Variants in GCH1 observed in about 807,000 individuals in gnomAD.
GCH1 encodes GTP cyclohydrolase I.
In GCH1, 5 loss-of-function variants were observed where a neutral mutation model predicts 25.9. That is an observed-to-expected ratio of 0.19 (90% CI 0.10 to 0.41). The LOEUF (loss-of-function observed/expected upper bound fraction) is 0.41. Among genes scored for constraint, GCH1 ranks in the 10% least tolerant of loss-of-function variants. The pLI is 1.00. For missense variants in GCH1, 261 were observed against 336.5 expected (o/e 0.78, Z 1.75); for synonymous variants, 159 against 129.6 (o/e 1.23, Z -1.54).
intron 1 of GCH1, among the ~76,000 whole-genome samples, chr14:54,886,660 G>A (rs2040357665): frequency 6.6e-6 from 1 of 152,180 alleles, no homozygotes; most frequent in Non-Finnish European, 1.5e-5. Flanking sequence ...CGACTTTACA[G>A]ATGAGGACAC....
intron 1 of GCH1, among the ~76,000 whole-genome samples, chr14:54,892,769 A>G (rs2040439024): frequency 6.6e-6 from 1 of 152,082 alleles, no homozygotes; most frequent in South Asian, 2.1e-4. Flanking sequence ...AATAAGCCAG[A>G]CATGAAGGAC....
At chr14:54,887,108 T>C (rs2040363192) in intron 1 of GCH1, among the ~76,000 whole-genome samples, 1 of 152,220 alleles carries the variant, frequency 6.6e-6, no homozygotes, top group Non-Finnish European at 1.5e-5. Flanking sequence ...ATGTTGACCT[T>C]TTCTTTTTGA....
chr14:54,896,520 A>T (rs2040484919), intron 1 of GCH1, among the ~76,000 whole-genome samples: 1 of 152,102 alleles, frequency 6.6e-6, no homozygotes, highest in Non-Finnish European at 1.5e-5. Context: ...GATCCCCTAG[A>T]TACAGGCTTT....
chr14:54,887,019 G>A (rs1289472528), intron 1 of GCH1, among the ~76,000 whole-genome samples: 2 of 152,168 alleles, frequency 1.3e-5, no homozygotes, highest in Non-Finnish European at 2.9e-5. Context: ...GAACCAAAGT[G>A]GTGCGCATCA....
In GCH1 at chr14:54,844,123, C is replaced by T. The variant is rs2039603118; in HGVS notation, c.647G>A (p.Arg216Gln). 2 of 1,612,506 alleles carry T rather than the reference C, an allele frequency of 1.2e-6. No individual in the cohort carries two copies. The highest frequency in any genetic ancestry group is 2.2e-5 in the East Asian group (1 of 44,888). ...VEATHMCMVM[R>Q]GVQKMNSKTV... ...TTTGCTGTTCATTTTCTGTACACCT[C>T]GCATTACCATACACATGTGTCTACA... The change falls in exon 6 of 6, where the codon CGA (arginine) becomes CAA (glutamine). Residue 216 changes from arginine to glutamine, a missense_variant. Arg to Gln is a conservative substitution (Grantham distance 43). Around this residue, in one of 3 missense-constraint regions of GCH1, gnomAD observed 130 missense variants for 184.1 expected, o/e 0.71. Coordinates refer to ENST00000491895, the MANE Select transcript of GCH1 (RefSeq NM_000161.3).
chr14:54,890,366 G>A (rs1363422568), intron 1 of GCH1, among the ~76,000 whole-genome samples: 4 of 152,178 alleles, frequency 2.6e-5, no homozygotes, highest in Non-Finnish European at 4.4e-5. Context: ...GCTTGGTGGC[G>A]CATGCCTATA....
chr14:54,879,353 G>A (rs1041681208), intron 1 of GCH1, among the ~76,000 whole-genome samples: 7 of 146,078 alleles, frequency 4.8e-5, no homozygotes, highest in Non-Finnish European at 8.9e-5. Context: ...CCTGGGAGGC[G>A]AAGGTTGCAG....
chr14:54,844,324 A>G (rs1186323985), intron 5 of GCH1, among the ~76,000 whole-genome samples, 181 bp from the exon 6 acceptor site: 1 of 152,210 alleles, frequency 6.6e-6, no homozygotes, highest in East Asian at 1.9e-4. Context: ...GCTATTGAAC[A>G]TAATGGCAAA....
intron 1 of GCH1, among the ~76,000 whole-genome samples, chr14:54,900,128 G>A (rs1017856694): frequency 2.6e-5 from 4 of 151,788 alleles, no homozygotes; most frequent in African/African-American, 9.7e-5. Context: ...GCCTCCCAAA[G>A]TGCTGGGATT....
chr14:54,897,231 C>T (rs1350487573), intron 1 of GCH1, among the ~76,000 whole-genome samples: 1 of 149,640 alleles, frequency 6.7e-6, no homozygotes, highest in Admixed American at 6.7e-5. Flanking sequence ...CGTTATTTGC[C>T]CACCTCAGCC....
rs1170513883 is a variant in GCH1, at chr14:54,902,644, C to G, written c.20G>C (p.Arg7Pro). The G allele has an allele frequency of 6.8e-7, 1 of 1,480,924 alleles. No homozygotes were observed. The highest frequency in any genetic ancestry group is 1.5e-5 in the African/African-American group (1 of 68,196). 91.7% of individuals were successfully genotyped at this position (1,480,924 alleles called of 1,614,324 possible). Residue 7 changes from arginine to proline, a missense_variant, in exon 1 of 6, where the codon CGG becomes CCG. Around this residue, in one of 3 missense-constraint regions of GCH1, gnomAD observed 125 missense variants for 128.7 expected, o/e 0.97. Coordinates refer to ENST00000491895, the MANE Select transcript of GCH1 (RefSeq NM_000161.3). ...GCCCCGCGGCTTCTCCGCCGGTGCC[C>G]GCACAGGGCCCTTCTCCATGGACCC... Reference protein sequence around the residue: MEKGPVRAPAEKPRGAR... With the variant: MEKGPVPAPAEKPRGAR...
intron 3 of GCH1, among the ~76,000 whole-genome samples, chr14:54,850,413 A>G (rs576224972): frequency 6.7e-6 from 1 of 150,124 alleles, no homozygotes; most frequent in East Asian, 2.0e-4. Context: ...CCCAGGTTCA[A>G]GCATTTCTCC....
At chr14:54,886,206 C>A in intron 1 of GCH1, 1 of 156,974 alleles carries the variant, frequency 6.4e-6, no homozygotes, top group South Asian at 1.8e-4. Context: ...GATTTCTGGT[C>A]TCCATTCATT....
intron 1 of GCH1, among the ~76,000 whole-genome samples, 183 bp downstream of exon 1, chr14:54,902,138 C>T (rs562085451): frequency 6.6e-6 from 1 of 152,292 alleles, no homozygotes; most frequent in South Asian, 2.1e-4. Flanking sequence ...CCCAGGAAGC[C>T]CCGACTGTGC....
At chr14:54,864,513 A>G (rs145491247) in intron 2 of GCH1, among the ~76,000 whole-genome samples, 79 of 152,244 alleles carry the variant, frequency 5.2e-4, no homozygotes, top group African/African-American at 1.7e-3. Flanking sequence ...AATTCCTCCA[A>G]TTGTCTCAAA....
intron 3 of GCH1, among the ~76,000 whole-genome samples, chr14:54,854,983 T>C (rs1345300025): frequency 1.3e-5 from 2 of 152,328 alleles, no homozygotes; most frequent in Middle Eastern, 3.4e-3. Context: ...TCCATACTAG[T>C]AATTTAAACT....
At chr14:54,859,489 G>A (rs1239617870) in intron 3 of GCH1, among the ~76,000 whole-genome samples, 192 bp downstream of exon 3, 1 of 152,176 alleles carries the variant, frequency 6.6e-6, no homozygotes, top group African/African-American at 2.4e-5. Flanking sequence ...GGAAGTGGAA[G>A]AGGAAGCAGG....
intron 1 of GCH1, among the ~76,000 whole-genome samples, chr14:54,870,584 A>T (rs1288759645): frequency 1.3e-5 from 2 of 152,206 alleles, no homozygotes; most frequent in African/African-American, 4.8e-5. Context: ...GGGGTCAGGG[A>T]ATTCCCTTTC....
chr14:54,890,438 C>T lies in GCH1; in HGVS notation c.343+11883G>A, dbSNP rs192083591. On this transcript the variant is annotated intron_variant, in intron 1 of 5. Coordinates refer to ENST00000491895, the MANE Select transcript of GCH1 (RefSeq NM_000161.3). Reference sequence around the variant, plus strand: ...GCTTGAACCTGGGAGGTGGAGGTTGCGGTGAGACGAGATCGCGCCATTGCA... The same window carrying T: ...GCTTGAACCTGGGAGGTGGAGGTTGTGGTGAGACGAGATCGCGCCATTGCA... Among the ~76,000 whole-genome samples, 172 of 152,216 alleles carry T rather than the reference C, an allele frequency of 1.1e-3. 1 individual carries two copies. Among genetic ancestry groups the T allele is most frequent in the African/African-American group, 3.7e-3 (152 of 41,504 alleles).
Sources: allele counts gnomAD v4.1 joint callset (sites outside exome capture counted in the v4.1 genomes callset), GRCh38; gene constraint gnomAD v4.1.1; regional missense constraint gnomAD v4.1.1; transcripts MANE v1.5; gene names NCBI Gene and HGNC (gene_info 2026-07-23, HGNC 2026-07-21).